The following XPR1 variants were observed in gnomAD, a reference collection of about 807,000 sequenced individuals.
XPR1 encodes xenotropic and polytropic retrovirus receptor 1, also known as solute carrier family 53 member 1.
XPR1 carries 28 observed loss-of-function variants against 87.5 expected under a neutral mutation model. The observed-to-expected ratio is 0.32, with a 90% CI of 0.24 to 0.44. The LOEUF is 0.44. Among genes scored for constraint, XPR1 ranks in the 20% least tolerant of loss-of-function variants. XPR1 has a pLI of 1.00. For synonymous variants in XPR1, 300 were observed against 306.1 expected, an observed-to-expected ratio of 0.98 and a Z score of 0.21; for missense variants, 559 against 862.3, an observed-to-expected ratio of 0.65 and a Z score of 4.41.
chr1:180,848,051 C>A (rs1405303468), intron 11 of XPR1, among the ~76,000 whole-genome samples: 1 of 152,030 alleles, frequency 6.6e-6, no homozygotes, highest in Non-Finnish European at 1.5e-5. Flanking sequence ...TACAAAAATT[C>A]TTTAAAAAAA....
At chr1:180,758,435 A>G (rs919975695) in intron 2 of XPR1, among the ~76,000 whole-genome samples, 1 of 152,154 alleles carries the variant, frequency 6.6e-6, no homozygotes, top group African/African-American at 2.4e-5. Context: ...TGGACCAGCC[A>G]TGGTTGCTCA....
At chr1:180,672,094 C>G (rs951009306) in intron 1 of XPR1, among the ~76,000 whole-genome samples, 1 of 152,114 alleles carries the variant, frequency 6.6e-6, no homozygotes, top group Admixed American at 6.5e-5. Flanking sequence ...GAATAAAAGC[C>G]ATGTCAATAG....
chr1:180,818,651 T>C (rs1013852809), intron 7 of XPR1, among the ~76,000 whole-genome samples: 1 of 152,214 alleles, frequency 6.6e-6, no homozygotes, highest in Non-Finnish European at 1.5e-5. Context: ...GGACCTTATA[T>C]ATCTTTTATT....
intron 11 of XPR1, among the ~76,000 whole-genome samples, chr1:180,858,663 G>A (rs941156681): frequency 1.8e-4 from 27 of 152,068 alleles, no homozygotes; most frequent in Admixed American, 1.7e-3. Flanking sequence ...CTTGGAAGAG[G>A]CAGTCTATAT....
chr1:180,794,844 G>A (rs1198294706), intron 3 of XPR1, among the ~76,000 whole-genome samples: 1 of 152,174 alleles, frequency 6.6e-6, no homozygotes, highest in African/African-American at 2.4e-5. Flanking sequence ...GGCTGAAGTT[G>A]TAAGATATTA....
chr1:180,675,155 T>G (rs567682086), intron 1 of XPR1, among the ~76,000 whole-genome samples: 2 of 152,344 alleles, frequency 1.3e-5, no homozygotes, highest in African/African-American at 4.8e-5. Flanking sequence ...AAGACATGCC[T>G]GGAAGAAATA....
chr1:180,664,712 C>A (rs1442186518), intron 1 of XPR1, among the ~76,000 whole-genome samples: 1 of 152,176 alleles, frequency 6.6e-6, no homozygotes, highest in Non-Finnish European at 1.5e-5. Context: ...AGCACAGGGT[C>A]CTGCCTAAGA....
At chr1:180,633,876 G>A (rs892388236) in intron 1 of XPR1, among the ~76,000 whole-genome samples, 1 of 152,198 alleles carries the variant, frequency 6.6e-6, no homozygotes, top group African/African-American at 2.4e-5. Flanking sequence ...GCACAGGATA[G>A]GAGCATGCTG....
At chr1:180,763,892 T>C (rs1445833941) in intron 2 of XPR1, among the ~76,000 whole-genome samples, 1 of 152,216 alleles carries the variant, frequency 6.6e-6, no homozygotes, top group South Asian at 2.1e-4. Context: ...AATAAAATAC[T>C]GTGTACACAA....
chr1:180,760,180 A>C (rs192531821), intron 2 of XPR1, among the ~76,000 whole-genome samples: 8 of 152,210 alleles, frequency 5.3e-5, no homozygotes, highest in Non-Finnish European at 7.3e-5. Context: ...AAAAACTGGA[A>C]GCATTCCCTT....
intron 2 of XPR1, among the ~76,000 whole-genome samples, chr1:180,690,802 A>G (rs889809978): frequency 2.0e-5 from 3 of 150,690 alleles, no homozygotes; most frequent in Non-Finnish European, 4.4e-5. Context: ...TAGTTTACAT[A>G]TTTACTTGAC....
intron 6 of XPR1, among the ~76,000 whole-genome samples, chr1:180,809,921 A>T (rs191721367): frequency 2.0e-5 from 3 of 152,332 alleles, no homozygotes; most frequent in African/African-American, 7.2e-5. Flanking sequence ...CTAACAATAC[A>T]GTTAGAATCT....
At chr1:180,741,055 G>A (rs1164938104) in intron 2 of XPR1, among the ~76,000 whole-genome samples, 1 of 152,196 alleles carries the variant, frequency 6.6e-6, no homozygotes, top group African/African-American at 2.4e-5. Flanking sequence ...GAATTTTAGG[G>A]TGACACATTC....
chr1:180,852,850 A>G lies in XPR1; in HGVS notation c.1502-10858A>G, dbSNP rs187945428. On this transcript the variant is annotated intron_variant, in intron 11 of 14. Coordinates refer to ENST00000367590, the MANE Select transcript of XPR1 (RefSeq NM_004736.4). Reference sequence around the variant, plus strand: ...CCTTCCACATAACTTATTACAGTATATTATGATTGTTCTGCTTTATTATTA... The same window carrying G: ...CCTTCCACATAACTTATTACAGTATGTTATGATTGTTCTGCTTTATTATTA... 2.9e-3 allele frequency among the ~76,000 whole-genome samples: 441 copies of G among 152,246 alleles called. 3 individuals carry two copies. The highest frequency in any genetic ancestry group is 9.6e-3 in the African/African-American group (399 of 41,530).
At chr1:180,650,233 C>G (rs1303462814) in intron 1 of XPR1, among the ~76,000 whole-genome samples, 4 of 152,120 alleles carry the variant, frequency 2.6e-5, no homozygotes, top group Non-Finnish European at 4.4e-5. Context: ...GCCGTCCCCC[C>G]AACTTTTTTT....
chr1:180,774,003 G>A (rs1648614950), intron 2 of XPR1, among the ~76,000 whole-genome samples: 1 of 151,830 alleles, frequency 6.6e-6, no homozygotes, highest in African/African-American at 2.4e-5. Flanking sequence ...TAATTTCATT[G>A]TTTTATATAC....
intron 7 of XPR1, among the ~76,000 whole-genome samples, chr1:180,820,808 C>G (rs1650600982): frequency 6.6e-6 from 1 of 152,092 alleles, no homozygotes; most frequent in Non-Finnish European, 1.5e-5. Context: ...TTGCATTTCC[C>G]TAATGACTAA....
At chr1:180,678,066 A>G (rs1571713162) in intron 1 of XPR1, among the ~76,000 whole-genome samples, 1 of 152,246 alleles carries the variant, frequency 6.6e-6, no homozygotes, top group African/African-American at 2.4e-5. Flanking sequence ...TTACAGATGT[A>G]TTATAAAGGA....
chr1:180,831,362 C>CTTTTTCTTTTTTT (rs1553252332), intron 9 of XPR1, among the ~76,000 whole-genome samples: 15 of 115,464 alleles, frequency 1.3e-4, no homozygotes, highest in Non-Finnish European at 2.6e-4. Context: ...TTTTCTTTTT[C>CTTTTTCTTTTTTT]TTTTTTTTTT....
Sources: gnomAD v4.1 joint callset for allele counts (sites outside exome capture counted in the v4.1 genomes callset) on GRCh38, gnomAD v4.1.1 for gene constraint, MANE v1.5 for transcripts, NCBI Gene and HGNC (gene_info 2026-07-23, HGNC 2026-07-21) for gene names.